SYN3: variants seen among roughly 807,000 people sequenced by gnomAD.
SYN3 encodes synapsin-3.
Under a neutral mutation model 65.8 loss-of-function variants are expected in SYN3, and 35 were observed. The ratio of observed to expected loss-of-function variants is 0.53; its 90% CI spans 0.41 to 0.70. The LOEUF (loss-of-function observed/expected upper bound fraction) is 0.70, where lower values mean the gene tolerates loss of function less well. Among genes scored for constraint, SYN3 ranks in the 30% least tolerant of loss-of-function variants. The probability of loss-of-function intolerance (pLI) is 0.00; values close to 1 mark genes in which losing one functional copy is unlikely to be tolerated. For missense variants in SYN3, 680 were observed against 749.0 expected (o/e 0.91, Z 1.08); for synonymous variants, 270 against 292.9 (o/e 0.92, Z 0.80).
intron 4 of SYN3, among the ~76,000 whole-genome samples, chr22:32,924,520 C>T (rs1310801925): frequency 6.6e-6 from 1 of 152,188 alleles, no homozygotes; most frequent in African/African-American, 2.4e-5. Flanking sequence ...AGCTTGTTCA[C>T]ATCCTTGCTG....
intron 6 of SYN3, among the ~76,000 whole-genome samples, chr22:32,792,880 A>T (rs2046352751): frequency 6.6e-6 from 1 of 152,228 alleles, no homozygotes; most frequent in South Asian, 2.1e-4. Flanking sequence ...GTCTTCAGGA[A>T]GAGTGCTGGT....
At chr22:32,730,022 G>A (rs1013936803) in intron 6 of SYN3, among the ~76,000 whole-genome samples, 8 of 152,170 alleles carry the variant, frequency 5.3e-5, no homozygotes, top group Non-Finnish European at 1.2e-4. Context: ...GGATGACAAT[G>A]ATAAAGGCTT....
At chr22:32,551,288 C>T (rs2058410331) in intron 7 of SYN3, among the ~76,000 whole-genome samples, 1 of 152,148 alleles carries the variant, frequency 6.6e-6, no homozygotes, top group Admixed American at 6.5e-5. Context: ...GACATCTCAA[C>T]AGAGAGACTT....
intron 4 of SYN3, among the ~76,000 whole-genome samples, chr22:32,907,838 T>C (rs1378323909): frequency 6.6e-6 from 1 of 152,190 alleles, no homozygotes; most frequent in East Asian, 1.9e-4. Context: ...TACACCACTC[T>C]GTCTATGGGT....
At chr22:32,753,891 G>C (rs557421944) in intron 6 of SYN3, among the ~76,000 whole-genome samples, 1 of 152,210 alleles carries the variant, frequency 6.6e-6, no homozygotes, top group South Asian at 2.1e-4. Flanking sequence ...CGGAGCTCAC[G>C]TGCTTGTGTG....
chr22:32,669,222 C>T (rs957553920), intron 6 of SYN3, among the ~76,000 whole-genome samples: 4 of 152,146 alleles, frequency 2.6e-5, no homozygotes. Flanking sequence ...ATGCTGAATG[C>T]TCTGATATCC....
intron 7 of SYN3, among the ~76,000 whole-genome samples, chr22:32,594,975 T>C (rs771351225): frequency 6.6e-6 from 1 of 152,214 alleles, no homozygotes; most frequent in Non-Finnish European, 1.5e-5. Flanking sequence ...ACCCACTATG[T>C]TGGGCATTGT....
intron 3 of SYN3, among the ~76,000 whole-genome samples, chr22:32,974,202 A>C (rs1321687736): frequency 6.6e-6 from 1 of 152,232 alleles, no homozygotes; most frequent in Non-Finnish European, 1.5e-5. Context: ...TGGAAGAAAA[A>C]AATATACAGT....
Position 32,980,710 on chromosome 22 carries a change from G to A in SYN3, c.312-8C>T. On this transcript the variant is annotated splice_polypyrimidine_tract_variant and splice_region_variant and intron_variant, in intron 2 of 13. Transcript: ENST00000358763. ...CCATGGAAATACTTCGACCTGTAAA[G>A]GGGAAGAAATCAGCTGAGTAAGGAT... 6.2e-7 allele frequency: 1 copy of A among 1,613,684 alleles called. No homozygotes were observed. Among genetic ancestry groups the A allele is most frequent in the South Asian group, 1.1e-5 (1 of 91,050 alleles).
intron 6 of SYN3, among the ~76,000 whole-genome samples, chr22:32,604,835 C>T (rs1462183392): frequency 6.6e-6 from 1 of 151,168 alleles, no homozygotes; most frequent in Non-Finnish European, 1.5e-5. Flanking sequence ...GAAACCCACT[C>T]TCTACTAAAA....
intron 9 of SYN3, among the ~76,000 whole-genome samples, chr22:32,534,332 G>A (rs1477278275): frequency 6.6e-6 from 1 of 152,052 alleles, no homozygotes; most frequent in Admixed American, 6.5e-5. Context: ...TGGGAAAGCT[G>A]CTCCAAGGGC....
At chr22:32,755,825 A>G (rs2045272254) in intron 6 of SYN3, among the ~76,000 whole-genome samples, 1 of 152,130 alleles carries the variant, frequency 6.6e-6, no homozygotes, top group Non-Finnish European at 1.5e-5. Context: ...TAGTGAACCT[A>G]CGTACACAAT....
At chr22:32,733,806 G>T (rs1353417591) in intron 6 of SYN3, among the ~76,000 whole-genome samples, 1 of 152,146 alleles carries the variant, frequency 6.6e-6, no homozygotes, top group Non-Finnish European at 1.5e-5. Context: ...ATAAGAGCTG[G>T]GGGGTGGGTT....
intron 1 of SYN3, among the ~76,000 whole-genome samples, chr22:33,058,009 G>A (rs2054280870): frequency 6.6e-6 from 1 of 152,088 alleles, no homozygotes; most frequent in Admixed American, 6.5e-5. Flanking sequence ...ACAGTCTTGC[G>A]CGCCCCCGGC....
chr22:32,644,207 A>AAAC (rs1267565623), intron 6 of SYN3, among the ~76,000 whole-genome samples: 2 of 151,880 alleles, frequency 1.3e-5, no homozygotes, highest in Non-Finnish European at 2.9e-5. Context: ...TGAGTGCCAG[A>AAAC]AACTGTGCTA....
chr22:32,914,825 T>C (rs190007799), intron 4 of SYN3, among the ~76,000 whole-genome samples: 4 of 152,272 alleles, frequency 2.6e-5, no homozygotes, highest in African/African-American at 7.2e-5. Flanking sequence ...TAGTAAGAAC[T>C]TGATACATGT....
chr22:32,888,002 C>T (rs542571469), intron 4 of SYN3, among the ~76,000 whole-genome samples: 6 of 152,196 alleles, frequency 3.9e-5, no homozygotes, highest in Admixed American at 6.5e-5. Flanking sequence ...ACAGCCTCAA[C>T]GACAGTTTGT....
intron 7 of SYN3, among the ~76,000 whole-genome samples, chr22:32,566,105 A>G (rs926929615): frequency 6.6e-6 from 1 of 152,058 alleles, no homozygotes; most frequent in East Asian, 1.9e-4. Context: ...GGTCTCCTAA[A>G]GCACTGGGAT....
intron 6 of SYN3, among the ~76,000 whole-genome samples, chr22:32,858,501 G>T (rs1323326616): frequency 6.6e-6 from 1 of 152,128 alleles, no homozygotes; most frequent in Non-Finnish European, 1.5e-5. Context: ...GCTCACCCTG[G>T]TAGCTGACTC....
Sources: gnomAD v4.1 joint callset for allele counts (sites outside exome capture counted in the v4.1 genomes callset) on GRCh38, gnomAD v4.1.1 for gene constraint, MANE v1.5 for transcripts, NCBI Gene and HGNC (gene_info 2026-07-23, HGNC 2026-07-21) for gene names.